Variants in APPL2 observed in about 807,000 individuals in gnomAD.
APPL2 encodes the protein DCC-interacting protein 13-beta.
Under a neutral mutation model 92.7 loss-of-function variants are expected in APPL2, and 84 were observed. That is an observed-to-expected ratio of 0.91 (90% CI 0.76 to 1.09). The LOEUF is 1.09. Among genes scored for constraint, APPL2 ranks in the 50% least tolerant of loss-of-function variants. APPL2 has a pLI of 0.00. For synonymous variants in APPL2, 291 were observed against 291.0 expected (o/e 1.00, Z 0.00); for missense variants, 736 against 824.5 (o/e 0.89, Z 1.31).
chr12:105,186,667 T>TATATATGATATCTATATCATTATATC (rs1886709583), intron 17 of APPL2, among the ~76,000 whole-genome samples: 1 of 33,124 alleles, frequency 3.0e-5, no homozygotes, highest in Non-Finnish European at 8.1e-5. Flanking sequence ...ATATATATCA[T>TATATATGATATCTATATCATTATATC]ATATATGATA....
intron 17 of APPL2, among the ~76,000 whole-genome samples, chr12:105,184,037 A>T (rs1418682122): frequency 6.6e-6 from 1 of 152,022 alleles, no homozygotes; most frequent in African/African-American, 2.4e-5. Context: ...CCTTTCTTCC[A>T]CTTGATCGAT....
chr12:105,234,736 C>T (rs1891127743), intron 1 of APPL2, among the ~76,000 whole-genome samples: 2 of 152,096 alleles, frequency 1.3e-5, no homozygotes, highest in Admixed American at 6.5e-5. Flanking sequence ...GACAAAATGC[C>T]TTCTACCAAG....
intron 17 of APPL2, among the ~76,000 whole-genome samples, chr12:105,186,615 TC>T (rs1886631306): frequency 9.8e-6 from 1 of 101,768 alleles, no homozygotes; most frequent in African/African-American, 3.5e-5. Flanking sequence ...AATATATATA[TC>T]ATATATATAT....
intron 2 of APPL2, among the ~76,000 whole-genome samples, chr12:105,222,816 C>T (rs12304384): frequency 0.12 from 18,090 of 152,084 alleles, 1,216 homozygotes; most frequent in African/African-American, 0.17. Flanking sequence ...GGCACACTGG[C>T]GAAGGGCAAT....
intron 20 of APPL2, among the ~76,000 whole-genome samples, chr12:105,175,303 A>G (rs999295666): frequency 6.6e-6 from 1 of 152,204 alleles, no homozygotes; most frequent in African/African-American, 2.4e-5. Flanking sequence ...ACTAGCTTAC[A>G]GTGCTTGCCA....
chr12:105,199,441 G>A lies in APPL2; in HGVS notation c.795C>T (p.Asp265=). The A allele has an allele frequency of 6.2e-7, 1 of 1,614,184 alleles. No individual in the cohort carries two copies. The highest frequency in any genetic ancestry group is 8.5e-7 in the Non-Finnish European group (1 of 1,180,038). Residue 265 remains aspartate, a synonymous_variant, in exon 10 of 21, where the codon GAC becomes GAT. Coordinates refer to ENST00000258530, the MANE Select transcript of APPL2 (RefSeq NM_018171.5). ...LSVDESVYTP[D]SDVAAPQINR... is the part of the protein sequence containing the mutation. Reference sequence around the variant, plus strand: ...TGATCTGTGGTGCGGCCACATCAGAGTCTGGAGTGTAAACAGATTCATCAA... The same window carrying A: ...TGATCTGTGGTGCGGCCACATCAGAATCTGGAGTGTAAACAGATTCATCAA...
At chr12:105,203,395 CCACG>C in intron 9 of APPL2, 2 of 332,248 alleles carry the variant, frequency 6.0e-6, no homozygotes, top group Non-Finnish European at 1.1e-5. Context: ...TCTGCTACTG[CCACG>C]TACTCTCAAA....
At chr12:105,234,500 A>G (rs1426068887) in intron 1 of APPL2, among the ~76,000 whole-genome samples, 1 of 152,228 alleles carries the variant, frequency 6.6e-6, no homozygotes, top group Non-Finnish European at 1.5e-5. Context: ...CCTTTATGTT[A>G]GAGCTGGAAA....
intron 4 of APPL2, among the ~76,000 whole-genome samples, chr12:105,215,683 A>T (rs1339888551): frequency 1.3e-5 from 2 of 152,204 alleles, no homozygotes; most frequent in Admixed American, 6.5e-5. Flanking sequence ...GTTAAATGGC[A>T]TCTGCACACT....
In APPL2 at chr12:105,225,945, ATC is replaced by A. The variant is rs545699713; in HGVS notation, c.153+3178_153+3179del. Among the ~76,000 whole-genome samples, 241 of 152,366 alleles carry A rather than the reference ATC, an allele frequency of 1.6e-3. 2 individuals carry two copies. The highest frequency in any genetic ancestry group is 5.7e-3 in the African/African-American group (237 of 41,586). ...TATCTTTTATGAACACTTATCATTT[ATC>A]AGCAGCGTAAGCCTGCTTTTGAAAA... On this transcript the variant is annotated intron_variant, in intron 2 of 20. Coordinates refer to ENST00000258530, the MANE Select transcript of APPL2 (RefSeq NM_018171.5).
Position 105,207,986 on chromosome 12 carries a change from T to C in APPL2, c.459A>G (p.Lys153=), listed in dbSNP as rs372429146. The C allele has an allele frequency of 1.9e-6, 3 of 1,613,982 alleles. No homozygotes were observed. Among genetic ancestry groups the C allele is most frequent in the Non-Finnish European group, 2.5e-6 (3 of 1,179,806 alleles). The change falls in exon 7 of 21, where the codon AAA becomes AAG. Residue 153 remains lysine, a synonymous_variant. Transcript: ENST00000258530. ...SMAKYSRLPK[K]KENEKVKTEV... ...GTATTCTTACCTTCTCATTCTCCTT[T>C]TTCTTAGGCAGCCTGCTGTATTTTG...
At chr12:105,233,412 C>T (rs981601571) in intron 1 of APPL2, 17 of 985,418 alleles carry the variant, frequency 1.7e-5, no homozygotes, top group Non-Finnish European at 2.0e-5. Context: ...TACAATGCAT[C>T]GTGCAGCACT....
At position 105,188,264 on chromosome 12, in the gene APPL2, TG is replaced by T. The variant is rs780080660; in HGVS notation, c.1634+8del. 23 of 1,613,552 alleles carry T rather than the reference TG, an allele frequency of 1.4e-5. No homozygotes were observed. The East Asian group carries it at 4.9e-4, about 34-fold the overall frequency. ...CCATAAGAAAGTCTGAAAATAAAAC[TG>T]AACGTACCTCAAAGATTGACTGGTG... On this transcript the variant is annotated splice_region_variant and intron_variant, in intron 17 of 20. Transcript: ENST00000258530.
intron 11 of APPL2, among the ~76,000 whole-genome samples, chr12:105,196,087 A>C (rs1230244373): frequency 6.6e-6 from 1 of 151,846 alleles, no homozygotes; most frequent in Non-Finnish European, 1.5e-5. Context: ...AAGAAAAAAG[A>C]AAATGGGCTT....
intron 11 of APPL2, among the ~76,000 whole-genome samples, chr12:105,195,931 T>C (rs887578500): frequency 5.9e-5 from 9 of 151,990 alleles, no homozygotes; most frequent in African/African-American, 2.2e-4. Context: ...GGCGTGTGCC[T>C]GTAGTCCTAG....
rs781279554 is a variant in APPL2 at position 105,197,871 on chromosome 12, C to G, written c.946G>C (p.Ala316Pro). Residue 316 changes from alanine to proline, a missense_variant, in exon 11 of 21, where the codon GCC becomes CCC. Transcript: ENST00000258530. Reference sequence around the variant, plus strand: ...TCCTGGATCAAACCTCCAGCCACGGCTCCCCTGGGCTGACACATGAGATTC... The same window carrying G: ...TCCTGGATCAAACCTCCAGCCACGGGTCCCCTGGGCTGACACATGAGATTC... ...GGNLMCQPRG[A>P]VAGGLIQDLD... 2.5e-6 allele frequency: 4 copies of G among 1,614,204 alleles called. No individual in the cohort carries two copies. The highest frequency in any genetic ancestry group is 3.4e-6 in the Non-Finnish European group (4 of 1,180,044).
At chr12:105,229,373 C>A in intron 1 of APPL2, 150 bp from the exon 2 acceptor site, 1 of 832,752 alleles carries the variant, frequency 1.2e-6, no homozygotes, top group African/African-American at 1.7e-5. Flanking sequence ...ATTGATAGTA[C>A]CAGTACCATT....
Position 105,211,264 on chromosome 12 carries a change from T to C in APPL2, c.339A>G (p.Leu113=). 6.2e-7 allele frequency: 1 copy of C among 1,614,054 alleles called. No homozygotes were observed. Among genetic ancestry groups the C allele is most frequent in the Non-Finnish European group, 8.5e-7 (1 of 1,179,894 alleles). ...LAKQLADTMV[L]PIIQFREKDL... is the part of the protein sequence containing the mutation. ...CCTTTTCTCGGAATTGTATGATAGG[T>C]AGAACCATTGTGTCTGCCAACTGTT... Residue 113 remains leucine, a synonymous_variant, in exon 5 of 21, where the codon CTA becomes CTG. Transcript: ENST00000258530.
Position 105,235,973 on chromosome 12 carries a change from G to A in APPL2, c.40C>T (p.Gln14Ter), listed in dbSNP as rs1891203028. Residue 14 changes from glutamine to a stop codon, truncating the protein, a stop_gained, in exon 1 of 21, where the codon CAG becomes TAG. Transcript: ENST00000258530. LOFTEE classifies it high-confidence loss of function. ...VDKLLLEEALQDSPQTRSLLS... is the reference protein window; with the variant it reads ...VDKLLLEEAL ...GCGGGAGGTACCTGGGGGCTGTCCT[G>A]CAACGCCTCCTCTAGCAGGAGCTTG... is the stretch of plus-strand genomic sequence containing the variant. The A allele has an allele frequency of 4.8e-6, 6 of 1,253,338 alleles. No individual in the cohort carries two copies. The highest frequency in any genetic ancestry group is 6.1e-6 in the Non-Finnish European group (6 of 990,784). 77.6% of individuals were successfully genotyped at this position (1,253,338 alleles called of 1,614,324 possible).
Sources: gnomAD v4.1 joint callset for allele counts (sites outside exome capture counted in the v4.1 genomes callset) on GRCh38, gnomAD v4.1.1 for gene constraint, MANE v1.5 for transcripts, NCBI Gene and HGNC (gene_info 2026-07-23, HGNC 2026-07-21) for gene names.